The following IDUA variants were observed in gnomAD, a reference collection of about 807,000 sequenced individuals.
IDUA encodes the protein alpha-L-iduronidase.
In IDUA, 65 loss-of-function variants were observed where a neutral mutation model predicts 68.9. That is an observed-to-expected ratio of 0.94 (90% CI 0.77 to 1.16). IDUA has a LOEUF of 1.16. IDUA is among the 50% of genes most tolerant of loss of function. The pLI is 0.00. For synonymous variants in IDUA, 529 were observed against 433.6 expected (o/e 1.22, Z -2.73); for missense variants, 1,046 against 938.0 (o/e 1.12, Z -1.50).
intron 2 of IDUA, among the ~76,000 whole-genome samples, chr4:994,433 G>T (rs1029584272): frequency 2.0e-5 from 3 of 149,896 alleles, no homozygotes; most frequent in Admixed American, 1.3e-4. Context: ...CCGCCACCGC[G>T]CCCGGCTAAT....
chr4:999,219 G>C (rs1037057346), intron 2 of IDUA, among the ~76,000 whole-genome samples: 3 of 147,712 alleles, frequency 2.0e-5, no homozygotes, highest in Admixed American at 2.0e-4. Flanking sequence ...AAAAAAAAAA[G>C]AAAAAAGAAA....
chr4:990,370 C>T (rs1157770723), intron 2 of IDUA: 24 of 1,586,238 alleles, frequency 1.5e-5, no homozygotes, highest in Middle Eastern at 1.8e-4. Flanking sequence ...GACCTGTGGA[C>T]GGAGTGCGGT....
At chr4:1,003,665 G>C (rs1484256475) in intron 12 of IDUA, 40 bp downstream of exon 12, 1 of 1,608,422 alleles carries the variant, frequency 6.2e-7, no homozygotes, top group Non-Finnish European at 8.5e-7. Context: ...CCTGGTCCTA[G>C]GCAGGTCCCT....
At chr4:998,910 C>T (rs1219937752) in intron 2 of IDUA, among the ~76,000 whole-genome samples, 6 of 152,054 alleles carry the variant, frequency 3.9e-5, no homozygotes, top group Non-Finnish European at 7.4e-5. Context: ...GCCAGTCTTC[C>T]AGCTCCCACC....
At chr4:993,107 C>A (rs1013278077) in intron 2 of IDUA, among the ~76,000 whole-genome samples, 1 of 152,252 alleles carries the variant, frequency 6.6e-6, no homozygotes, top group Admixed American at 6.5e-5. Context: ...GAAGACCCCA[C>A]CACACTGGGT....
At chr4:993,976 C>T (rs1714570228) in intron 2 of IDUA, among the ~76,000 whole-genome samples, 1 of 152,242 alleles carries the variant, frequency 6.6e-6, no homozygotes, top group Admixed American at 6.5e-5. Flanking sequence ...TCTGACTGGA[C>T]CCAGCACCGA....
intron 12 of IDUA, 109 bp downstream of exon 12, chr4:1,003,734 C>T: frequency 1.6e-6 from 2 of 1,228,152 alleles, no homozygotes; most frequent in Non-Finnish European, 1.2e-6. Flanking sequence ...CCCATCGGCT[C>T]CCTCCCTCGC....
intron 2 of IDUA, chr4:988,987 G>T: frequency 6.3e-7 from 1 of 1,594,016 alleles, no homozygotes; most frequent in East Asian, 2.3e-5. Context: ...TCTCACAGGC[G>T]GGCTGCAGCA....
chr4:993,985 G>A (rs865882799), intron 2 of IDUA, among the ~76,000 whole-genome samples: 10 of 152,370 alleles, frequency 6.6e-5, no homozygotes, highest in African/African-American at 1.7e-4. Flanking sequence ...ACCCAGCACC[G>A]ACCCACAGCG....
At chr4:997,560 G>A (rs1283093861) in intron 2 of IDUA, among the ~76,000 whole-genome samples, 1 of 151,474 alleles carries the variant, frequency 6.6e-6, no homozygotes, top group Non-Finnish European at 1.5e-5. Flanking sequence ...CCGTTGTGCG[G>A]CCGCCGCGGC....
At chr4:994,718 T>C (rs11937767) in intron 2 of IDUA, among the ~76,000 whole-genome samples, 57,393 of 151,850 alleles carry the variant, frequency 0.38, 12,738 homozygotes, top group African/African-American at 0.62. Flanking sequence ...ATTACAGGCT[T>C]GAGCCACTGC....
chr4:995,085 C>G (rs1293685055), intron 2 of IDUA, among the ~76,000 whole-genome samples: 1 of 149,862 alleles, frequency 6.7e-6, no homozygotes, highest in Non-Finnish European at 1.5e-5. Context: ...CGCTCTGTTG[C>G]CCAGGCTGGA....
intron 2 of IDUA, chr4:991,539 G>A (rs368871126): frequency 1.9e-5 from 31 of 1,605,648 alleles, no homozygotes; most frequent in African/African-American, 6.7e-5. Context: ...AGCGCGTGGC[G>A]GGGAGCAGGT....
In IDUA at chr4:1,003,113, G is replaced by A. The variant is rs1715213103; in HGVS notation, c.1480G>A (p.Val494Ile). The change falls in exon 10 of 14, where the codon GTC becomes ATC. Residue 494 changes from valine to isoleucine, a missense_variant. Physicochemically the swap from Val to Ile is conservative, Grantham distance 29 (BLOSUM62 3). Coordinates refer to ENST00000514224, the MANE Select transcript of IDUA (RefSeq NM_000203.5). ...DGEWRRLGRP[V>I]FPTAEQFRRM... ...CGAGTGGCGGCGCCTGGGCCGGCCC[G>A]TCTTCCCCACGGCAGAGCAGTTCCG... is the stretch of plus-strand genomic sequence containing the variant. 2.6e-6 allele frequency: 4 copies of A among 1,512,832 alleles called. No homozygotes were observed. Among genetic ancestry groups the A allele is most frequent in the Admixed American group, 2.0e-5 (1 of 48,982 alleles). The allele number at this position is 1,512,832 out of a possible 1,614,324, so 93.7% of individuals were successfully genotyped here.
rs2153023189 is a variant in IDUA at position 1,004,062 on chromosome 4, C to T, written c.1778C>T (p.Thr593Ile). The stretch of plus-strand genomic sequence containing the variant: ...TTCTCTCAGGACGGTAAGGCGTACA[C>T]CCCGGTCAGCAGGAAGCCATCGACC... ...IQFSQDGKAY[T>I]PVSRKPSTFN... Residue 593 changes from threonine to isoleucine, a missense_variant, in exon 13 of 14, where the codon ACC becomes ATC. Thr to Ile is a moderately conservative substitution (Grantham distance 89). Coordinates refer to ENST00000514224, the MANE Select transcript of IDUA (RefSeq NM_000203.5). The surrounding 1 kb of genome is among the most constrained non-coding windows in gnomAD (Gnocchi z 5.0). 2 of 1,612,606 alleles carry T rather than the reference C, an allele frequency of 1.2e-6. No individual in the cohort carries two copies. Among genetic ancestry groups the T allele is most frequent in the East Asian group, 4.5e-5 (2 of 44,864 alleles).
rs2153022621 is a variant in IDUA, at chr4:1,002,829, C to G, written c.1287C>G (p.Gly429=). The G allele has an allele frequency of 6.9e-7, 1 of 1,455,594 alleles. No homozygotes were observed. The highest frequency in any genetic ancestry group is 9.0e-7 in the Non-Finnish European group (1 of 1,110,124). The allele number at this position is 1,455,594 out of a possible 1,614,324, so 90.2% of individuals were successfully genotyped here. ...GVLASAHRPQ[G]PADAWRAAVL... ...TGGCCAGCGCCCACCGCCCCCAGGG[C>G]CCGGCCGACGCCTGGCGCGCCGCGG... Residue 429 remains glycine, a synonymous_variant, in exon 9 of 14, where the codon GGC becomes GGG. Transcript: ENST00000514224.
intron 2 of IDUA, chr4:991,496 C>T (rs755526832): frequency 2.7e-5 from 44 of 1,610,126 alleles, no homozygotes; most frequent in East Asian, 6.7e-5. Context: ...ACGTCGCCTG[C>T]CAGGTACTCC....
intron 2 of IDUA, among the ~76,000 whole-genome samples, chr4:994,500 T>TGC (rs1714616708): frequency 6.6e-6 from 1 of 150,514 alleles, no homozygotes. Context: ...TACAGTGGCA[T>TGC]GATCTCGGCT....
At chr4:987,664 C>T (rs2153015484) in intron 1 of IDUA, 145 bp from the exon 2 acceptor site, 1 of 1,480,382 alleles carries the variant, frequency 6.8e-7, no homozygotes, top group African/African-American at 1.4e-5. Context: ...ACATTCCTGG[C>T]CCTAAGGGTC....
Sources: gnomAD v4.1 joint callset for allele counts (sites outside exome capture counted in the v4.1 genomes callset) on GRCh38, gnomAD v4.1.1 for gene constraint, Gnocchi (gnomAD v3.1) non-coding constraint, MANE v1.5 for transcripts, NCBI Gene and HGNC (gene_info 2026-07-23, HGNC 2026-07-21) for gene names.